Variants in CEACAM20 observed in about 807,000 individuals in gnomAD.
The protein encoded by CEACAM20 is cell adhesion molecule CEACAM20.
In CEACAM20, 50 loss-of-function variants were observed where a neutral mutation model predicts 61.2. That is an observed-to-expected ratio of 0.82 (90% confidence interval 0.65 to 1.03). The LOEUF is 1.03. Ranked by LOEUF, CEACAM20 falls within the 50% of genes least tolerant of loss-of-function variation. CEACAM20 has a pLI of 0.00. For missense variants in CEACAM20, 683 were observed against 736.4 expected, an observed-to-expected ratio of 0.93 and a Z score of 0.84; for synonymous variants, 282 against 287.7, an observed-to-expected ratio of 0.98 and a Z score of 0.20.
rs571977278 is a variant in CEACAM20 at position 44,528,377 on chromosome 19, G to A, written c.52+1081C>T. Among the ~76,000 whole-genome samples, 11 of 151,910 alleles carry A rather than the reference G, an allele frequency of 7.2e-5. No homozygotes were observed. The East Asian group carries it at 1.2e-3, about 16-fold the overall frequency. On this transcript the variant is annotated intron_variant, in intron 1 of 11. Transcript: ENST00000614924. ...CGAGTAGCTGGGATTACAGGTGCCC[G>A]CCACCACACTCAGCTAATTTTCGTA...
At chr19:44,521,594 A>T (rs553082547) in intron 4 of CEACAM20, among the ~76,000 whole-genome samples, 2 of 151,340 alleles carry the variant, frequency 1.3e-5, no homozygotes, top group Admixed American at 1.3e-4. Context: ...GTATATGTGT[A>T]TGTGCTGTGG....
At chr19:44,525,315 A>G in intron 1 of CEACAM20, 71 bp from the exon 2 acceptor site, 6 of 1,440,436 alleles carry the variant, frequency 4.2e-6, no homozygotes, top group Non-Finnish European at 5.5e-6. Context: ...AGGTCTTCAG[A>G]AGCACAGGGA....
intron 5 of CEACAM20, among the ~76,000 whole-genome samples, chr19:44,518,133 AG>A (rs1971239094): frequency 0.011 from 1,235 of 110,096 alleles, 58 homozygotes; most frequent in African/African-American, 0.023. Flanking sequence ...GAAGGAAGGA[AG>A]GAAGGAAGGA....
intron 3 of CEACAM20, among the ~76,000 whole-genome samples, chr19:44,523,575 C>T (rs1342210586): frequency 1.3e-5 from 2 of 151,810 alleles, no homozygotes; most frequent in South Asian, 2.1e-4. Context: ...AGCCATTGCA[C>T]CGGGCTAATT....
chr19:44,515,576 A>G (rs2123580640), intron 6 of CEACAM20, among the ~76,000 whole-genome samples: 1 of 152,278 alleles, frequency 6.6e-6, no homozygotes, highest in South Asian at 2.1e-4. Context: ...CAACAGGCTC[A>G]CCTCAAAACT....
At chr19:44,529,392 ACAC>A (rs867417737) in intron 1 of CEACAM20, 63 bp downstream of exon 1, 2 of 1,131,006 alleles carry the variant, frequency 1.8e-6, no homozygotes, top group Middle Eastern at 4.3e-4. Flanking sequence ...ACACACACAC[ACAC>A]CGCTGACAAA....
chr19:44,517,868 CAGG>C (rs1245161648), intron 5 of CEACAM20, among the ~76,000 whole-genome samples: 1 of 151,592 alleles, frequency 6.6e-6, no homozygotes, highest in Admixed American at 6.6e-5. Context: ...CTCCTGAGAC[CAGG>C]AGTTCAAAAC....
intron 7 of CEACAM20, 105 bp downstream of exon 7, chr19:44,513,067 C>G: frequency 7.7e-7 from 1 of 1,302,004 alleles, no homozygotes; most frequent in Non-Finnish European, 1.1e-6. Flanking sequence ...CTGAATTCCC[C>G]AGGTGCCAGA....
intron 6 of CEACAM20, 146 bp from the exon 7 acceptor site, chr19:44,513,435 T>G: frequency 1.8e-6 from 1 of 561,646 alleles, no homozygotes. Flanking sequence ...TTGTGGTTTT[T>G]GGTTTTGCTT....
rs1970998144 is a variant in CEACAM20, at chr19:44,511,487, A to T, written c.1611+150T>A. 1.5e-5 allele frequency: 12 copies of T among 793,158 alleles called. No individual in the cohort carries two copies. In the East Asian group the frequency reaches 3.2e-4, roughly 21 times the overall value. The allele number at this position is 793,158 out of a possible 1,614,324, so 49.1% of individuals were successfully genotyped here. A position where few individuals can be genotyped will look rare whatever the true frequency, so the allele number is the denominator to read the frequency against. On this transcript the variant is annotated intron_variant, in intron 10 of 11. Coordinates refer to ENST00000614924, the MANE Select transcript of CEACAM20 (RefSeq NM_001102597.3). ...ATGGCATCTGACCCAGCTCTCTGTG[A>T]GGCCTTAGGCTACTCTCTTCCCATC...
Position 44,512,089 on chromosome 19 carries a change from T to C in CEACAM20, c.1514-11A>G. The stretch of plus-strand genomic sequence containing the variant: ...CAGGACTCAGGCTTTCTAGAAAAAG[T>C]GAATCTCAGTCAGGAGCTGGAGTTC... On this transcript the variant is annotated splice_polypyrimidine_tract_variant and intron_variant, in intron 8 of 11. Transcript: ENST00000614924. 1.1e-5 allele frequency: 17 copies of C among 1,600,586 alleles called. No homozygotes were observed. Among genetic ancestry groups the C allele is most frequent in the Non-Finnish European group, 1.4e-5 (17 of 1,172,722 alleles).
intron 4 of CEACAM20, 51 bp downstream of exon 4, chr19:44,522,583 G>C: frequency 6.3e-7 from 1 of 1,578,658 alleles, no homozygotes; most frequent in South Asian, 1.2e-5. Flanking sequence ...GACATGGCCA[G>C]CATCTGACGC....
Position 44,520,493 on chromosome 19 carries a change from G to T in CEACAM20, c.1011C>A (p.Pro337=). The T allele has an allele frequency of 2.5e-6, 4 of 1,613,206 alleles. No individual in the cohort carries two copies. The highest frequency in any genetic ancestry group is 3.4e-6 in the Non-Finnish European group (4 of 1,179,854). ...WNWGSRARSE[P]LELTINYGPD... ...ACTCACAGTTGATGGTCAGCTCAAG[G>T]GGCTCACTCCGGGCCCGGCTGCCCC... The change falls in exon 5 of 12, where the codon CCC becomes CCA. Residue 337 remains proline, a synonymous_variant. Transcript: ENST00000614924.
chr19:44,511,714 A>T (rs1568447280), intron 9 of CEACAM20, 42 bp from the exon 10 acceptor site: 9 of 1,600,566 alleles, frequency 5.6e-6, no homozygotes, highest in Non-Finnish European at 7.7e-6. Context: ...AGGGCTTGGA[A>T]TAGGGGCTAC....
intron 1 of CEACAM20, among the ~76,000 whole-genome samples, chr19:44,525,686 G>A (rs1375847748): frequency 6.6e-6 from 1 of 152,056 alleles, no homozygotes; most frequent in Non-Finnish European, 1.5e-5. Context: ...CAAATGACCT[G>A]CCCGCCTCGG....
At chr19:44,506,588 TGTCTTGGCTTGAAGAAGCAA>T (rs1452888696) in intron 11 of CEACAM20, among the ~76,000 whole-genome samples, 3 of 152,252 alleles carry the variant, frequency 2.0e-5, no homozygotes, top group Admixed American at 1.3e-4. Flanking sequence ...TTATGACTTC[TGTCTTGGCTTGAAGAAGCAA>T]GATGCAATGT....
chr19:44,525,666 C>T (rs113760815), intron 1 of CEACAM20, among the ~76,000 whole-genome samples: 231 of 152,274 alleles, frequency 1.5e-3, no homozygotes, highest in African/African-American at 5.5e-3. Context: ...TGGTCTCAAA[C>T]TCCTGACCTC....
intron 11 of CEACAM20, among the ~76,000 whole-genome samples, chr19:44,507,567 A>G (rs1464759166): frequency 6.6e-6 from 1 of 152,262 alleles, no homozygotes; most frequent in African/African-American, 2.4e-5. Context: ...CTGTATAATA[A>G]GAGAGAAACA....
At chr19:44,527,756 G>T (rs1971572018) in intron 1 of CEACAM20, among the ~76,000 whole-genome samples, 1 of 152,248 alleles carries the variant, frequency 6.6e-6, no homozygotes, top group African/African-American at 2.4e-5. Context: ...GCCCAGAGAA[G>T]GAGAAGCTGG....
Sources: allele counts gnomAD v4.1 joint callset (sites outside exome capture counted in the v4.1 genomes callset), GRCh38; gene constraint gnomAD v4.1.1; transcripts MANE v1.5; gene names NCBI Gene and HGNC (gene_info 2026-07-23, HGNC 2026-07-21).